Variants in TBC1D13 observed in about 807,000 individuals in gnomAD.
TBC1D13 encodes the protein TBC1 domain family member 13, also known as epididymis secretory sperm binding protein.
A neutral mutation model predicts 53.6 loss-of-function variants in TBC1D13; 40 were observed. The observed-to-expected ratio is 0.75, with a 90% CI of 0.58 to 0.97. The LOEUF (loss-of-function observed/expected upper bound fraction) is 0.97. Among genes scored for constraint, TBC1D13 ranks in the 50% least tolerant of loss-of-function variants. The pLI, the probability that TBC1D13 is intolerant of heterozygous loss-of-function variation, is 0.00. For missense variants in TBC1D13, 377 were observed against 499.4 expected (o/e 0.75, Z 2.34); for synonymous variants, 182 against 197.7 (o/e 0.92, Z 0.67).
intron 5 of TBC1D13, 77 bp from the exon 6 acceptor site, chr9:128,792,415 G>A: frequency 7.5e-7 from 1 of 1,335,066 alleles, no homozygotes; most frequent in Non-Finnish European, 1.1e-6. Context: ...CAAGGCCACT[G>A]CTCAGGTTTC....
At chr9:128,800,312 G>A (rs574491235) in intron 7 of TBC1D13, among the ~76,000 whole-genome samples, 18 of 151,346 alleles carry the variant, frequency 1.2e-4, no homozygotes, top group African/African-American at 2.7e-4. Flanking sequence ...TTGGGGACCC[G>A]TGCTCATTGT....
intron 11 of TBC1D13, 129 bp from the exon 12 acceptor site, chr9:128,807,685 C>A: frequency 1.1e-6 from 1 of 898,380 alleles, no homozygotes. Context: ...GTGTGGGATG[C>A]CTGGTGTTCT....
intron 11 of TBC1D13, 77 bp from the exon 12 acceptor site, chr9:128,807,737 G>C: frequency 6.8e-7 from 1 of 1,480,006 alleles, no homozygotes; most frequent in Non-Finnish European, 9.5e-7. Context: ...ATGGCAACGG[G>C]TCCCAGCAGG....
chr9:128,802,016 CTCCCAA>C (rs1395684371), intron 7 of TBC1D13, among the ~76,000 whole-genome samples: 1 of 144,912 alleles, frequency 6.9e-6, no homozygotes, highest in African/African-American at 2.4e-5. Flanking sequence ...CCACCTCAGC[CTCCCAA>C]AGTGCTGGGA....
chr9:128,791,471 AG>A (rs1485867001), intron 4 of TBC1D13, 30 bp downstream of exon 4: 17 of 1,613,202 alleles, frequency 1.1e-5, no homozygotes, highest in Non-Finnish European at 1.4e-5. Context: ...CAGTGACAGG[AG>A]GGCCCTTGCA....
At position 128,791,688 on chromosome 9, in the gene TBC1D13, G is replaced by A. The variant is rs1297077769; in HGVS notation, c.295G>A (p.Asp99Asn). 1 of 1,613,976 alleles carries A rather than the reference G, an allele frequency of 6.2e-7. No individual in the cohort carries two copies. The part of the protein sequence containing the change: ...GVSREDVTFE[D>N]HPLNPNPDSR... ...GTCCAGGGAGGATGTGACTTTTGAGGACCATGTGAGTAGAGGTTGACAGCG... is the reference window on the plus strand; with the variant it reads ...GTCCAGGGAGGATGTGACTTTTGAGAACCATGTGAGTAGAGGTTGACAGCG... The change falls in exon 5 of 12, where the codon GAC becomes AAC. Residue 99 changes from aspartate to asparagine, a missense_variant. Transcript: ENST00000372648.
intron 6 of TBC1D13, among the ~76,000 whole-genome samples, chr9:128,793,830 T>G (rs1323152577): frequency 1.3e-5 from 2 of 152,188 alleles, no homozygotes; most frequent in Non-Finnish European, 2.9e-5. Context: ...TCTGCACCAG[T>G]ACAGACAGGT....
chr9:128,804,729 T>TG lies in TBC1D13; in HGVS notation c.918+610_918+611insG, dbSNP rs1275955501. On this transcript the variant is annotated intron_variant, in intron 9 of 11. Coordinates refer to ENST00000372648, the MANE Select transcript of TBC1D13 (RefSeq NM_018201.5). Reference sequence around the variant, plus strand: ...CAGCCCTTTTTTTTCTGTTTTTTTTTTTTTTTTTTTTTTTTTGAGAAGGAC... The same window carrying TG: ...CAGCCCTTTTTTTTCTGTTTTTTTTTGTTTTTTTTTTTTTTTTGAGAAGGAC... Among the ~76,000 whole-genome samples, 34 of 98,072 alleles carry TG rather than the reference T, an allele frequency of 3.5e-4. No individual in the cohort carries two copies. The East Asian group carries it at 6.0e-3, about 17-fold the overall frequency. 64.3% of individuals were successfully genotyped at this position (98,072 alleles called of 152,430 possible).
intron 7 of TBC1D13, among the ~76,000 whole-genome samples, chr9:128,799,029 C>G (rs1355556627): frequency 2.6e-5 from 4 of 152,252 alleles, no homozygotes; most frequent in South Asian, 4.1e-4. Context: ...TGACTTTGAT[C>G]GAAGCTCTGA....
intron 5 of TBC1D13, among the ~76,000 whole-genome samples, chr9:128,792,026 C>T (rs1383005762): frequency 1.3e-5 from 2 of 152,200 alleles, no homozygotes; most frequent in Non-Finnish European, 2.9e-5. Flanking sequence ...GCCTTGTTCT[C>T]CTCAAATGCT....
In TBC1D13 at chr9:128,794,732, C is replaced by T. The variant is rs772377736; in HGVS notation, c.383+2158C>T. On this transcript the variant is annotated intron_variant, in intron 6 of 11. Transcript: ENST00000372648. The stretch of plus-strand genomic sequence containing the variant: ...TCAAGTGATCCACCCGCTTCAGCCT[C>T]GCAAAGTGCTAGCATTACAGGCATG... Among the ~76,000 whole-genome samples the T allele has an allele frequency of 4.0e-5, 6 of 151,542 alleles. 1 individual carries two copies. In the South Asian group the frequency reaches 1.0e-3, roughly 26 times the overall value.
chr9:128,787,445 G>A (rs889380000), intron 1 of TBC1D13, 69 bp downstream of exon 1: 25 of 1,244,520 alleles, frequency 2.0e-5, no homozygotes, highest in Middle Eastern at 2.1e-4. Flanking sequence ...CCCCTCAGAA[G>A]GGGGAAGCGC....
chr9:128,796,029 CAAT>C (rs781372487), intron 6 of TBC1D13, among the ~76,000 whole-genome samples: 2 of 152,148 alleles, frequency 1.3e-5, no homozygotes, highest in Non-Finnish European at 2.9e-5. Context: ...TATACATATA[CAAT>C]GACTACAGCT....
At chr9:128,792,199 C>T (rs996975132) in intron 5 of TBC1D13, among the ~76,000 whole-genome samples, 10 of 152,216 alleles carry the variant, frequency 6.6e-5, no homozygotes, top group African/African-American at 2.2e-4. Flanking sequence ...CTGTTATATG[C>T]AAAGTTCTTG....
chr9:128,789,872 A>C (rs930430148), intron 2 of TBC1D13: 5 of 149,868 alleles, frequency 3.3e-5, no homozygotes, highest in African/African-American at 1.2e-4. Flanking sequence ...TGCTTATAAC[A>C]GGGGGAACTG....
intron 9 of TBC1D13, 126 bp from the exon 10 acceptor site, chr9:128,805,733 C>A: frequency 9.1e-7 from 1 of 1,093,446 alleles, no homozygotes; most frequent in South Asian, 1.6e-5. Flanking sequence ...TGGTGCCAGC[C>A]CTGGTGCTCA....
At chr9:128,804,758 C>T (rs1374870595) in intron 9 of TBC1D13, among the ~76,000 whole-genome samples, 8 of 106,448 alleles carry the variant, frequency 7.5e-5, no homozygotes, top group African/African-American at 2.8e-4. Context: ...GAAGGACTCT[C>T]TCTCTCAGAG....
chr9:128,801,882 C>T (rs1458181040), intron 7 of TBC1D13, among the ~76,000 whole-genome samples: 1 of 151,386 alleles, frequency 6.6e-6, no homozygotes, highest in Non-Finnish European at 1.5e-5. Flanking sequence ...CTGCCTCAGT[C>T]TCCCGAGTAG....
intron 11 of TBC1D13, 79 bp downstream of exon 11, chr9:128,806,390 G>A (rs373349285): frequency 1.8e-5 from 28 of 1,545,436 alleles, no homozygotes; most frequent in Non-Finnish European, 2.3e-5. Context: ...CAGCTGCTGC[G>A]ACAGGCTGGG....
Sources: allele counts gnomAD v4.1 joint callset (sites outside exome capture counted in the v4.1 genomes callset), GRCh38; gene constraint gnomAD v4.1.1; transcripts MANE v1.5; gene names NCBI Gene and HGNC (gene_info 2026-07-23, HGNC 2026-07-21).